The following CDYL2 variants were observed in gnomAD, a reference collection of about 807,000 sequenced individuals.
The protein encoded by CDYL2 is chromodomain Y like 2, also known as chromodomain Y-like protein 2.
CDYL2 carries 23 observed loss-of-function variants against 49.4 expected under a neutral mutation model. The ratio of observed to expected loss-of-function variants is 0.47; its 90% CI spans 0.34 to 0.66. The LOEUF (loss-of-function observed/expected upper bound fraction) is 0.66, where lower values mean the gene tolerates loss of function less well. Among genes scored for constraint, CDYL2 ranks in the 30% least tolerant of loss-of-function variants. CDYL2 has a pLI of 0.01. For missense variants in CDYL2, 678 were observed against 656.4 expected (o/e 1.03, Z -0.36); for synonymous variants, 360 against 268.8 (o/e 1.34, Z -3.32).
chr16:80,615,303 C>A (rs1302219526), intron 4 of CDYL2, among the ~76,000 whole-genome samples: 1 of 152,004 alleles, frequency 6.6e-6, no homozygotes, highest in Non-Finnish European at 1.5e-5. Context: ...TTGGGGTCTG[C>A]GGGGGATATG....
chr16:80,639,462 TAAGTG>T, intron 2 of CDYL2, among the ~76,000 whole-genome samples: 1 of 152,280 alleles, frequency 6.6e-6, no homozygotes, highest in South Asian at 2.1e-4. Context: ...TGTCCTTTAA[TAAGTG>T]AAGGGATAAA....
chr16:80,662,631 C>G, intron 2 of CDYL2: 1 of 423,856 alleles, frequency 2.4e-6, no homozygotes. Flanking sequence ...TCAGAACTTC[C>G]TGCAATGATG....
At chr16:80,678,523 A>G (rs1909846334) in intron 2 of CDYL2, among the ~76,000 whole-genome samples, 1 of 152,088 alleles carries the variant, frequency 6.6e-6, no homozygotes, top group African/African-American at 2.4e-5. Context: ...GCTCACCACC[A>G]CTGGCCATCA....
intron 2 of CDYL2, among the ~76,000 whole-genome samples, chr16:80,671,808 T>C (rs898425981): frequency 6.6e-6 from 1 of 152,178 alleles, no homozygotes; most frequent in Non-Finnish European, 1.5e-5. Flanking sequence ...TGGATGGAGT[T>C]AGAAGGATAT....
At chr16:80,712,229 G>T (rs1280433159) in intron 1 of CDYL2, among the ~76,000 whole-genome samples, 2 of 75,294 alleles carry the variant, frequency 2.7e-5, no homozygotes, top group South Asian at 4.6e-4. Flanking sequence ...CCAAACCACT[G>T]CTCACTGTGA....
chr16:80,726,997 G>A (rs1905183577), intron 1 of CDYL2, among the ~76,000 whole-genome samples: 1 of 152,192 alleles, frequency 6.6e-6, no homozygotes, highest in African/African-American at 2.4e-5. Flanking sequence ...GATGTGGGAG[G>A]ATTGCTGGAG....
At chr16:80,784,601 G>A (rs1907374532) in intron 1 of CDYL2, among the ~76,000 whole-genome samples, 1 of 152,136 alleles carries the variant, frequency 6.6e-6, no homozygotes. Context: ...AGATAGTGAT[G>A]TTTAACCTGA....
At chr16:80,682,560 T>C (rs930744) in intron 2 of CDYL2, among the ~76,000 whole-genome samples, 89,097 of 152,006 alleles carry the variant, frequency 0.59, 26,701 homozygotes, top group Middle Eastern at 0.74. Flanking sequence ...CTTCTCTCCT[T>C]CACACTGCAG....
In CDYL2 at chr16:80,751,602, C is replaced by T. The variant is rs1906139280; in HGVS notation, c.24+52548G>A. ...AGAAACAGAGAACTAAGACACTATG[C>T]ACGTGTTTTTCCTTCAAAGTGCTCA... On this transcript the variant is annotated intron_variant, in intron 1 of 6. Coordinates refer to ENST00000570137, the MANE Select transcript of CDYL2 (RefSeq NM_152342.4). Among the ~76,000 whole-genome samples the T allele has an allele frequency of 2.6e-5, 4 of 152,178 alleles. No homozygotes were observed. In the South Asian group the frequency reaches 8.3e-4, roughly 32 times the overall value.
chr16:80,783,776 G>C (rs1907346306), intron 1 of CDYL2, among the ~76,000 whole-genome samples: 1 of 152,120 alleles, frequency 6.6e-6, no homozygotes. Flanking sequence ...AGAAACATTA[G>C]GCTGAGTTTT....
At chr16:80,622,627 T>G (rs1476787630) in intron 3 of CDYL2, among the ~76,000 whole-genome samples, 1 of 152,130 alleles carries the variant, frequency 6.6e-6, no homozygotes, top group African/African-American at 2.4e-5. Context: ...ATCTGCTTGT[T>G]TAGTCACACA....
chr16:80,666,017 G>A (rs969633132), intron 2 of CDYL2, among the ~76,000 whole-genome samples: 1 of 152,184 alleles, frequency 6.6e-6, no homozygotes, highest in African/African-American at 2.4e-5. Context: ...GAGCAAAGCA[G>A]GAAGCTCCAC....
At chr16:80,686,096 C>T (rs543352020) in intron 1 of CDYL2, among the ~76,000 whole-genome samples, 2 of 152,226 alleles carry the variant, frequency 1.3e-5, no homozygotes, top group Non-Finnish European at 2.9e-5. Context: ...CTACCATGCA[C>T]AGCTCGCAGG....
intron 1 of CDYL2, among the ~76,000 whole-genome samples, chr16:80,720,674 G>T (rs1018612895): frequency 1.3e-5 from 2 of 152,182 alleles, no homozygotes; most frequent in African/African-American, 4.8e-5. Flanking sequence ...GGGATTCAGG[G>T]TGCATTTTCC....
At chr16:80,691,322 G>A (rs1432102908) in intron 1 of CDYL2, among the ~76,000 whole-genome samples, 2 of 152,212 alleles carry the variant, frequency 1.3e-5, no homozygotes, top group Non-Finnish European at 2.9e-5. Context: ...GGAACAACTT[G>A]GCATGGGCTA....
In CDYL2 at chr16:80,696,613, A is replaced by T. The variant is rs958865037; in HGVS notation, c.25-11484T>A. 3.3e-5 allele frequency among the ~76,000 whole-genome samples: 5 copies of T among 152,084 alleles called. No individual in the cohort carries two copies. In the East Asian group the frequency reaches 9.6e-4, roughly 29 times the overall value. ...CAAATTGGAAAGCCTAGACAAAATG[A>T]ATACATTCCTGGACACATACAACCT... On this transcript the variant is annotated intron_variant, in intron 1 of 6. Transcript: ENST00000570137.
At chr16:80,800,683 C>T (rs184421635) in intron 1 of CDYL2, among the ~76,000 whole-genome samples, 1 of 152,018 alleles carries the variant, frequency 6.6e-6, no homozygotes, top group Non-Finnish European at 1.5e-5. Context: ...AAGAAAAAGA[C>T]AATAGAGGGT....
Position 80,684,817 on chromosome 16 carries a change from G to C in CDYL2, c.337C>G (p.Leu113Val). The change falls in exon 2 of 7, where the codon CTG (leucine) becomes GTG (valine). Residue 113 changes from leucine (L) to valine (V), a missense_variant. Around this residue, in one of 3 missense-constraint regions of CDYL2, gnomAD observed 478 missense variants for 427.0 expected, o/e 1.12. Transcript: ENST00000570137. ...GAATACCCTTTTTTTGGCTTGGCCA[G>C]GGGAGGGTTAATTCGCTTCCGTTTA... Reference protein sequence around the residue: ...SHKRKRINPPLAKPKKGYSGK... With the variant: ...SHKRKRINPPVAKPKKGYSGK... 1 of 1,614,180 alleles carries C rather than the reference G, an allele frequency of 6.2e-7. No homozygotes were observed. Among genetic ancestry groups the C allele is most frequent in the Non-Finnish European group, 8.5e-7 (1 of 1,180,030 alleles).
intron 1 of CDYL2, among the ~76,000 whole-genome samples, chr16:80,728,750 C>A (rs1386997906): frequency 6.6e-6 from 1 of 152,186 alleles, no homozygotes; most frequent in African/African-American, 2.4e-5. Flanking sequence ...GCGAGCGGAT[C>A]TCTCGGCAGA....
Sources: allele counts gnomAD v4.1 joint callset (sites outside exome capture counted in the v4.1 genomes callset), GRCh38; gene constraint gnomAD v4.1.1; regional missense constraint gnomAD v4.1.1; transcripts MANE v1.5; gene names NCBI Gene and HGNC (gene_info 2026-07-23, HGNC 2026-07-21).